BBS9: variants seen among roughly 807,000 people sequenced by gnomAD.
BBS9 encodes Bardet-Biedl syndrome 9, also known as protein PTHB1.
BBS9 carries 89 observed loss-of-function variants against 117.7 expected under a neutral mutation model. The ratio of observed to expected loss-of-function variants is 0.76; its 90% CI spans 0.64 to 0.90. BBS9 has a LOEUF of 0.90. Ranked by LOEUF, BBS9 falls within the 40% of genes least tolerant of loss-of-function variation. The pLI is 0.00. For missense variants in BBS9, 982 were observed against 1,042.2 expected (o/e 0.94, Z 0.80); for synonymous variants, 379 against 370.9 (o/e 1.02, Z -0.25).
rs112080309 is a variant in BBS9, at chr7:33,467,889, A to G, written c.2116-37574A>G. Among the ~76,000 whole-genome samples the G allele has an allele frequency of 6.6e-5, 10 of 152,258 alleles. 1 individual carries two copies. Among genetic ancestry groups the G allele is most frequent in the African/African-American group, 2.4e-4 (10 of 41,550 alleles). ...GAAGCAAGTGATAAGAGAAATCAAC[A>G]CAGTGCTGAAGCTGAAATCTAAATA... On this transcript the variant is annotated intron_variant, in intron 19 of 22. Transcript: ENST00000242067.
chr7:33,587,662 G>A (rs1343167509), intron 21 of BBS9, among the ~76,000 whole-genome samples: 1 of 152,124 alleles, frequency 6.6e-6, no homozygotes, highest in African/African-American at 2.4e-5. Flanking sequence ...TAGTACCATA[G>A]TTTGGACAAA....
At position 33,329,309 on chromosome 7, in the gene BBS9, C is replaced by A. The variant is rs191426180; in HGVS notation, c.1017-7132C>A. On this transcript the variant is annotated intron_variant, in intron 9 of 22. Coordinates refer to ENST00000242067, the MANE Select transcript of BBS9 (RefSeq NM_198428.3). ...GTGCTGGGATTACAGGTGTGAGCCA[C>A]CGTGCCTGGCCCTAATCTTATTTTG... 2.8e-3 allele frequency among the ~76,000 whole-genome samples: 433 copies of A among 152,294 alleles called. 3 individuals are homozygous for A. The highest frequency in any genetic ancestry group is 9.4e-3 in the African/African-American group (390 of 41,554).
intron 7 of BBS9, among the ~76,000 whole-genome samples, chr7:33,265,141 A>G (rs1482499169): frequency 6.6e-6 from 1 of 152,224 alleles, no homozygotes; most frequent in Non-Finnish European, 1.5e-5. Context: ...ATTATGGTGG[A>G]AACAGTGAAA....
At chr7:33,249,479 A>C (rs1404480146) in intron 5 of BBS9, among the ~76,000 whole-genome samples, 1 of 151,050 alleles carries the variant, frequency 6.6e-6, no homozygotes, top group African/African-American at 2.4e-5. Context: ...TTCTGCCTCT[A>C]CCCCCCATCC....
chr7:33,574,849 C>T (rs1447069851), intron 21 of BBS9, among the ~76,000 whole-genome samples: 2 of 151,914 alleles, frequency 1.3e-5, no homozygotes, highest in African/African-American at 4.8e-5. Flanking sequence ...AATTTGAAGA[C>T]ATTTTAAAAC....
intron 4 of BBS9, among the ~76,000 whole-genome samples, chr7:33,164,346 A>C (rs1009478006): frequency 2.6e-4 from 40 of 152,134 alleles, no homozygotes; most frequent in African/African-American, 8.4e-4. Context: ...TCTATTAGGT[A>C]CGCTTGGTGC....
At chr7:33,537,091 C>T (rs1851563879) in intron 21 of BBS9, among the ~76,000 whole-genome samples, 1 of 152,088 alleles carries the variant, frequency 6.6e-6, no homozygotes, top group Admixed American at 6.5e-5. Flanking sequence ...TCACCTCCCT[C>T]ACTTAACAGC....
chr7:33,437,490 T>C (rs1274362243), intron 19 of BBS9, among the ~76,000 whole-genome samples: 9 of 152,218 alleles, frequency 5.9e-5, no homozygotes, highest in Non-Finnish European at 5.9e-5. Context: ...CATAAATTCT[T>C]TACCTGGAAA....
At position 33,509,908 on chromosome 7, in the gene BBS9, G is replaced by A. The variant is rs139371468; in HGVS notation, c.2298+4263G>A. Among the ~76,000 whole-genome samples, 351 of 152,294 alleles carry A rather than the reference G, an allele frequency of 2.3e-3. 1 individual carries two copies. Among genetic ancestry groups the A allele is most frequent in the African/African-American group, 8.0e-3 (332 of 41,562 alleles). ...TGGAGCAGAATTAATCGTTGTCTGT[G>A]ATCTGTCTCTTTAATGATGCCTTTC... On this transcript the variant is annotated intron_variant, in intron 20 of 22. Transcript: ENST00000242067.
rs145007686 is a variant in BBS9 at position 33,273,080 on chromosome 7, A to G, written c.771A>G (p.Ala257=). ...GTATTGTCTCTTTCAATCAGTCGGC[A>G]TCCTCTGTTTTTGTTCTTGGTGAGA... The part of the protein sequence containing the change: ...DICIVSFNQS[A]SSVFVLGERN... Residue 257 remains alanine, a synonymous_variant, in exon 8 of 23, where the codon GCA becomes GCG. Coordinates refer to ENST00000242067, the MANE Select transcript of BBS9 (RefSeq NM_198428.3). 4.8e-5 allele frequency: 77 copies of G among 1,613,738 alleles called. No individual in the cohort carries two copies. In the African/African-American group the frequency reaches 8.7e-4, roughly 18 times the overall value.
At chr7:33,406,130 G>A (rs536291638) in intron 19 of BBS9, among the ~76,000 whole-genome samples, 1 of 152,286 alleles carries the variant, frequency 6.6e-6, no homozygotes, top group African/African-American at 2.4e-5. Context: ...AGGTTGTTCA[G>A]TTTCCATGTA....
chr7:33,339,278 T>C (rs895062042), intron 10 of BBS9, among the ~76,000 whole-genome samples: 1 of 152,132 alleles, frequency 6.6e-6, no homozygotes, highest in Admixed American at 6.6e-5. Context: ...GGAGCTTTCT[T>C]GGAAGCCACA....
intron 19 of BBS9, among the ~76,000 whole-genome samples, chr7:33,429,932 G>T (rs1432984191): frequency 1.3e-5 from 2 of 152,094 alleles, no homozygotes; most frequent in African/African-American, 4.8e-5. Context: ...AGGGAGAGTT[G>T]CCTTTAGGAA....
chr7:33,129,348 C>A, upstream of BBS9: 1 of 514,662 alleles, frequency 1.9e-6, no homozygotes, highest in Non-Finnish European at 3.5e-6. Flanking sequence ...GAACTGCTGC[C>A]AGGACAGGGC....
Position 33,458,644 on chromosome 7 carries a change from G to T in BBS9, c.2116-46819G>T, listed in dbSNP as rs1838997641. 2.6e-5 allele frequency among the ~76,000 whole-genome samples: 4 copies of T among 152,260 alleles called. No individual in the cohort carries two copies. The South Asian group carries it at 8.3e-4, about 32-fold the overall frequency. ...TGAGTTACAGTGAATTTGGCACAGG[G>T]TGTAAAAGGAACTAGTCTCTGTTAA... On this transcript the variant is annotated intron_variant, in intron 19 of 22. Coordinates refer to ENST00000242067, the MANE Select transcript of BBS9 (RefSeq NM_198428.3).
At position 33,294,337 on chromosome 7, in the gene BBS9, C is replaced by T. The variant is rs1267704645; in HGVS notation, c.1016+20381C>T. On this transcript the variant is annotated intron_variant, in intron 9 of 22. Transcript: ENST00000242067. The stretch of plus-strand genomic sequence containing the variant: ...TCTATCTATCTATCTATCTATCTAT[C>T]TATCTATCTATCTATCTCTTTGTCC... Among the ~76,000 whole-genome samples, 200 of 130,436 alleles carry T rather than the reference C, an allele frequency of 1.5e-3. 1 individual carries two copies. The highest frequency in any genetic ancestry group is 5.4e-3 in the African/African-American group (188 of 34,870). 85.6% of individuals were successfully genotyped at this position (130,436 alleles called of 152,430 possible).
intron 5 of BBS9, among the ~76,000 whole-genome samples, chr7:33,226,733 C>T (rs936882226): frequency 6.6e-6 from 1 of 152,018 alleles, no homozygotes; most frequent in Non-Finnish European, 1.5e-5. Context: ...CTGATATATG[C>T]CATAACATGG....
At chr7:33,365,713 G>A (rs1271064874) in intron 16 of BBS9, among the ~76,000 whole-genome samples, 4 of 152,220 alleles carry the variant, frequency 2.6e-5, no homozygotes, top group Non-Finnish European at 4.4e-5. Flanking sequence ...TGGGCTTTGG[G>A]TGGTAATGGC....
intron 20 of BBS9, among the ~76,000 whole-genome samples, chr7:33,510,407 T>C (rs1021414354): frequency 6.6e-6 from 1 of 151,996 alleles, no homozygotes; most frequent in Non-Finnish European, 1.5e-5. Flanking sequence ...TGTGGTATTA[T>C]ACACATCTCC....
Sources: allele counts gnomAD v4.1 joint callset (sites outside exome capture counted in the v4.1 genomes callset), GRCh38; gene constraint gnomAD v4.1.1; transcripts MANE v1.5; gene names NCBI Gene and HGNC (gene_info 2026-07-23, HGNC 2026-07-21).